HYDIN: variants seen among roughly 807,000 people sequenced by gnomAD.
HYDIN encodes axonemal central pair apparatus protein HYDIN.
Under a neutral mutation model 403.9 loss-of-function variants are expected in HYDIN, and 132 were observed. That is an observed-to-expected ratio of 0.33 (90% CI 0.28 to 0.38). HYDIN has a LOEUF of 0.38. HYDIN is among the 10% of genes least tolerant of loss of function. HYDIN has a pLI of 1.00. For missense variants in HYDIN, 2,827 were observed against 5,009.5 expected (o/e 0.56, Z 13.15); for synonymous variants, 1,202 against 1,891.7 (o/e 0.64, Z 9.46).
At chr16:71,151,230 C>A (rs1416519045) in intron 7 of HYDIN, among the ~76,000 whole-genome samples, 1 of 152,094 alleles carries the variant, frequency 6.6e-6, no homozygotes, top group Non-Finnish European at 1.5e-5. Flanking sequence ...TAGCAGCCAA[C>A]GAGTGTGGCT....
At chr16:70,809,675 C>A in intron 85 of HYDIN, 108 bp downstream of exon 85, 1 of 881,852 alleles carries the variant, frequency 1.1e-6, no homozygotes, top group Non-Finnish European at 1.9e-6. Flanking sequence ...AACGAAGCAC[C>A]TGAGTCTCTC....
At position 71,128,879 on chromosome 16, in the gene HYDIN, G is replaced by T. The variant is rs138577580; in HGVS notation, c.1227+761C>A. ...AAGAGTGCTTAAGAGTTTAGTCTAT[G>T]GAATCAGACAGACCCCATTCTAATT... On this transcript the variant is annotated intron_variant, in intron 9 of 85. Transcript: ENST00000393567. Among the ~76,000 whole-genome samples the T allele has an allele frequency of 2.9e-3, 441 of 152,184 alleles. 1 individual carries two copies. The highest frequency in any genetic ancestry group is 0.01 in the African/African-American group (416 of 41,484).
chr16:71,042,624 T>C (rs2081321822), intron 18 of HYDIN, among the ~76,000 whole-genome samples: 2 of 152,210 alleles, frequency 1.3e-5, no homozygotes, highest in African/African-American at 4.8e-5. Context: ...TCCCTTCTTA[T>C]ACAACGTTCA....
At chr16:71,144,591 G>A (rs2085297631) in intron 7 of HYDIN, among the ~76,000 whole-genome samples, 1 of 149,338 alleles carries the variant, frequency 6.7e-6, no homozygotes, top group Non-Finnish European at 1.5e-5. Context: ...GGAAGAAAGA[G>A]GAAAAGAGAA....
Position 70,923,993 on chromosome 16 carries a change from C to T in HYDIN, c.7159-2776G>A, listed in dbSNP as rs539435539. Among the ~76,000 whole-genome samples, 24 of 151,818 alleles carry T rather than the reference C, an allele frequency of 1.6e-4. No individual in the cohort carries two copies. In the East Asian group the frequency reaches 4.3e-3, roughly 27 times the overall value. On this transcript the variant is annotated intron_variant, in intron 45 of 85. Transcript: ENST00000393567. ...ACAAATAAACAACATGTGAAATGTC[C>T]GAGAGGACATAATAGAAATAATACA...
chr16:70,940,331 G>A (rs894458166), intron 43 of HYDIN, among the ~76,000 whole-genome samples: 1 of 151,526 alleles, frequency 6.6e-6, no homozygotes, highest in Non-Finnish European at 1.5e-5. Context: ...CTGCATTTGA[G>A]CTCCTTCCCG....
intron 19 of HYDIN, among the ~76,000 whole-genome samples, chr16:71,031,127 G>A (rs890747310): frequency 2.7e-5 from 4 of 149,142 alleles, no homozygotes; most frequent in African/African-American, 9.9e-5. Flanking sequence ...GTGAACCCGG[G>A]AGGCGGAGCT....
chr16:71,066,778 T>C (rs941465054), intron 15 of HYDIN: 2 of 435,426 alleles, frequency 4.6e-6, no homozygotes, highest in African/African-American at 4.1e-5. Flanking sequence ...TTCTGAGGAG[T>C]ATACCTTGTT....
chr16:70,932,938 T>C (rs1406135322), intron 45 of HYDIN, among the ~76,000 whole-genome samples: 1 of 152,036 alleles, frequency 6.6e-6, no homozygotes, highest in African/African-American at 2.4e-5. Flanking sequence ...CATGGATATG[T>C]ACAAAGATTC....
chr16:71,177,622 C>T (rs2086723409), intron 4 of HYDIN, among the ~76,000 whole-genome samples: 4 of 152,198 alleles, frequency 2.6e-5, no homozygotes, highest in Admixed American at 2.6e-4. Context: ...AGTCCATTTG[C>T]TTTGGATTCT....
In HYDIN at chr16:70,966,291, G is replaced by A. The variant is rs532743609; in HGVS notation, c.5620-1395C>T. ...CACAGAGCCTGACTCTTGATAGAAG[G>A]TGCTGTGCCAACAGAAGCCACTAAG... On this transcript the variant is annotated intron_variant, in intron 36 of 85. Transcript: ENST00000393567. Among the ~76,000 whole-genome samples, 444 of 151,582 alleles carry A rather than the reference G, an allele frequency of 2.9e-3. 1 individual carries two copies. Among genetic ancestry groups the A allele is most frequent in the Non-Finnish European group, 5.0e-3 (338 of 67,908 alleles).
chr16:70,817,865 C>T (rs1391703635), intron 84 of HYDIN, among the ~76,000 whole-genome samples: 5 of 152,066 alleles, frequency 3.3e-5, no homozygotes, highest in African/African-American at 1.2e-4. Flanking sequence ...CCTCAGCCTC[C>T]CGAGTAGCTG....
chr16:70,915,177 G>A (rs1422322804), intron 47 of HYDIN, among the ~76,000 whole-genome samples: 1 of 151,882 alleles, frequency 6.6e-6, no homozygotes, highest in Non-Finnish European at 1.5e-5. Flanking sequence ...TCCATTGCTA[G>A]TGAGCTACTG....
At chr16:70,921,597 A>G (rs2076997044) in intron 45 of HYDIN, among the ~76,000 whole-genome samples, 1 of 152,176 alleles carries the variant, frequency 6.6e-6, no homozygotes, top group Non-Finnish European at 1.5e-5. Context: ...GTAGTGGTCC[A>G]ATCCCAGCTG....
intron 45 of HYDIN, among the ~76,000 whole-genome samples, chr16:70,925,003 C>A (rs111883213): frequency 1.6e-4 from 24 of 152,086 alleles, no homozygotes; most frequent in African/African-American, 5.8e-4. Flanking sequence ...AAAAAAAGGT[C>A]CACCTGAAAT....
intron 18 of HYDIN, among the ~76,000 whole-genome samples, chr16:71,033,982 G>A (rs931868868): frequency 9.2e-5 from 14 of 152,112 alleles, no homozygotes; most frequent in Non-Finnish European, 1.5e-4. Context: ...GATGCTTCCA[G>A]GATAATAACG....
At position 70,810,002 on chromosome 16, in the gene HYDIN, C is replaced by T. The variant is rs191626208; in HGVS notation, c.14664G>A (p.Thr4888=). ...QFVVPANSEG[T]FSFEFQPLKA... ...TCAGGGGCTGAAATTCAAATGAGAACGTGCCCTGGAAGAGAAAACAGAGGA... is the reference window on the plus strand; with the variant it reads ...TCAGGGGCTGAAATTCAAATGAGAATGTGCCCTGGAAGAGAAAACAGAGGA... Residue 4888 remains threonine, a synonymous_variant, in exon 85 of 86, where the codon ACG becomes ACA. Coordinates refer to ENST00000393567, the MANE Select transcript of HYDIN (RefSeq NM_001270974.2). 117 of 1,614,048 alleles carry T rather than the reference C, an allele frequency of 7.2e-5. No homozygotes were observed. The highest frequency in any genetic ancestry group is 7.1e-4 in the East Asian group (32 of 44,886).
intron 84 of HYDIN, among the ~76,000 whole-genome samples, chr16:70,810,411 G>C (rs891103012): frequency 6.6e-5 from 10 of 152,212 alleles, no homozygotes; most frequent in African/African-American, 2.4e-4. Flanking sequence ...AACAAAGCAA[G>C]AACAGAAAGC....
At chr16:71,196,650 G>T (rs1390888457) in intron 1 of HYDIN, among the ~76,000 whole-genome samples, 2 of 152,164 alleles carry the variant, frequency 1.3e-5, no homozygotes, top group African/African-American at 4.8e-5. Flanking sequence ...TTCCCAGCCA[G>T]TTAGGCATTC....
Sources: gnomAD v4.1 joint callset for allele counts (sites outside exome capture counted in the v4.1 genomes callset) on GRCh38, gnomAD v4.1.1 for gene constraint, MANE v1.5 for transcripts, NCBI Gene and HGNC (gene_info 2026-07-23, HGNC 2026-07-21) for gene names.